The following CPEB3 variants were observed in gnomAD, a reference collection of about 807,000 sequenced individuals.
CPEB3 encodes the protein cytoplasmic polyadenylation element binding protein 3, also known as cytoplasmic polyadenylation element-binding protein 3.
In CPEB3, 20 loss-of-function variants were observed where a neutral mutation model predicts 67.2. That is an observed-to-expected ratio of 0.30 (90% CI 0.21 to 0.43). The LOEUF (loss-of-function observed/expected upper bound fraction) is 0.43, where lower values mean the gene tolerates loss of function less well. Ranked by LOEUF, CPEB3 falls within the 20% of genes least tolerant of loss-of-function variation. The pLI is 1.00. For synonymous variants in CPEB3, 376 were observed against 393.1 expected (o/e 0.96, Z 0.51); for missense variants, 746 against 968.6 (o/e 0.77, Z 3.05).
rs774300879 is a variant in CPEB3, at chr10:92,239,837, C to T, written c.514G>A (p.Ala172Thr). 100 of 1,494,114 alleles carry T rather than the reference C, an allele frequency of 6.7e-5. No homozygotes were observed. Among genetic ancestry groups the T allele is most frequent in the Non-Finnish European group, 8.7e-5 (98 of 1,122,948 alleles). 92.6% of individuals were successfully genotyped at this position (1,494,114 alleles called of 1,614,324 possible). A position where few individuals can be genotyped will look rare whatever the true frequency, so the allele number is the denominator to read the frequency against. The change falls in exon 2 of 10, where the codon GCG becomes ACG. Residue 172 changes from alanine to threonine, a missense_variant. By Grantham distance (58) the Ala-to-Thr change is moderately conservative. Transcript: ENST00000265997. The surrounding 1 kb of genome is among the most constrained non-coding windows in gnomAD (Gnocchi z 6.0). ...TGCGCTGGCTGTGCCGGCTGCGGCG[C>T]GGGCGCAGGCGGCGGCGGCTGCTGG... ...HHQQPPPPAPAPQPAQPAQPP... is the reference protein window; with the variant it reads ...HHQQPPPPAPTPQPAQPAQPP...
At chr10:92,094,439 A>T (rs569349079) in intron 7 of CPEB3, among the ~76,000 whole-genome samples, 1 of 152,026 alleles carries the variant, frequency 6.6e-6, no homozygotes, top group East Asian at 2.0e-4. Context: ...CGTTTCTACT[A>T]AAGATACGAA....
intron 8 of CPEB3, among the ~76,000 whole-genome samples, chr10:92,090,858 CTTTCA>C (rs994917759): frequency 5.9e-5 from 9 of 152,056 alleles, no homozygotes; most frequent in African/African-American, 1.7e-4. Context: ...TGCTTTCTAT[CTTTCA>C]TTTGACAGTT....
chr10:92,186,436 AT>A (rs373212390), intron 3 of CPEB3, among the ~76,000 whole-genome samples: 8,816 of 143,146 alleles, frequency 0.062, 316 homozygotes, highest in Non-Finnish European at 0.083. Context: ...AACTCAGGTG[AT>A]TTTTTTTTTT....
At chr10:92,199,582 G>A (rs900523820) in intron 2 of CPEB3, among the ~76,000 whole-genome samples, 2 of 149,916 alleles carry the variant, frequency 1.3e-5, no homozygotes, top group African/African-American at 2.5e-5. Flanking sequence ...TACTCGGGAG[G>A]CTGAAGCAGG....
chr10:92,168,428 C>T (rs546567258), intron 4 of CPEB3, among the ~76,000 whole-genome samples: 1 of 152,288 alleles, frequency 6.6e-6, no homozygotes, highest in Admixed American at 6.5e-5. Context: ...TCAAGTCTCT[C>T]AGCCTATTCT....
intron 2 of CPEB3, among the ~76,000 whole-genome samples, chr10:92,202,725 G>A (rs1201588253): frequency 1.3e-5 from 2 of 151,440 alleles, no homozygotes; most frequent in Non-Finnish European, 2.9e-5. Context: ...GGAAATCAGG[G>A]CAAAATGCAG....
intron 9 of CPEB3, among the ~76,000 whole-genome samples, chr10:92,063,682 T>G (rs1180053395): frequency 1.3e-5 from 2 of 151,686 alleles, no homozygotes; most frequent in East Asian, 1.9e-4. Flanking sequence ...GAGAATAGCT[T>G]GAACCCAGGA....
chr10:92,068,039 G>A (rs1032680779), intron 9 of CPEB3, among the ~76,000 whole-genome samples: 2 of 152,032 alleles, frequency 1.3e-5, no homozygotes, highest in Non-Finnish European at 2.9e-5. Flanking sequence ...CAAGTGCTAG[G>A]GTTATGAAAG....
At chr10:92,194,235 A>G (rs888806967) in intron 2 of CPEB3, among the ~76,000 whole-genome samples, 2 of 151,700 alleles carry the variant, frequency 1.3e-5, no homozygotes, top group Non-Finnish European at 2.9e-5. Flanking sequence ...AGGTCAGGAG[A>G]CTGAGATCAT....
intron 1 of CPEB3, among the ~76,000 whole-genome samples, chr10:92,283,130 T>C (rs1842370246): frequency 6.6e-6 from 1 of 152,248 alleles, no homozygotes; most frequent in Middle Eastern, 3.4e-3. Context: ...CGTGTGCCTG[T>C]AGTCCTAGCT....
intron 1 of CPEB3, among the ~76,000 whole-genome samples, chr10:92,277,637 T>C (rs1842048852): frequency 6.6e-6 from 1 of 152,212 alleles, no homozygotes; most frequent in Admixed American, 6.5e-5. Flanking sequence ...ATGCCCGTAA[T>C]CCGAGCACGT....
intron 1 of CPEB3, among the ~76,000 whole-genome samples, chr10:92,271,748 G>A (rs536655643): frequency 1.3e-5 from 2 of 152,148 alleles, no homozygotes; most frequent in African/African-American, 2.4e-5. Context: ...AACAGCTACT[G>A]TATTACCCCT....
At chr10:92,096,150 C>T (rs901118049) in intron 7 of CPEB3, among the ~76,000 whole-genome samples, 1 of 151,470 alleles carries the variant, frequency 6.6e-6, no homozygotes, top group African/African-American at 2.4e-5. Flanking sequence ...GCTGGGATTA[C>T]AGGCGTGAGC....
At chr10:92,118,650 C>A in intron 6 of CPEB3, 2 of 602,918 alleles carry the variant, frequency 3.3e-6, no homozygotes, top group South Asian at 1.7e-5. Context: ...AATGTGGAAC[C>A]CAAGATGGCT....
intron 3 of CPEB3, among the ~76,000 whole-genome samples, chr10:92,182,971 G>A (rs967023047): frequency 6.6e-6 from 1 of 151,988 alleles, no homozygotes; most frequent in African/African-American, 2.4e-5. Flanking sequence ...GATGGATTCT[G>A]ATAAAACTGT....
chr10:92,283,246 CAAAAAT>C (rs1454786480), intron 1 of CPEB3, among the ~76,000 whole-genome samples: 2 of 151,976 alleles, frequency 1.3e-5, no homozygotes, highest in African/African-American at 2.4e-5. Flanking sequence ...GAGACTCTCT[CAAAAAT>C]AAAAATAAAA....
At chr10:92,141,650 T>A (rs1039951501) in intron 6 of CPEB3, among the ~76,000 whole-genome samples, 5 of 150,430 alleles carry the variant, frequency 3.3e-5, no homozygotes, top group Admixed American at 6.6e-5. Context: ...AAAATAATAA[T>A]AATAGTTATT....
intron 1 of CPEB3, among the ~76,000 whole-genome samples, chr10:92,242,809 C>G (rs1851905235): frequency 6.6e-6 from 1 of 152,052 alleles, no homozygotes; most frequent in Non-Finnish European, 1.5e-5. Flanking sequence ...CCAGGAACAC[C>G]CATTTCTCTT....
At chr10:92,113,762 A>G in intron 6 of CPEB3, among the ~76,000 whole-genome samples, 1 of 152,124 alleles carries the variant, frequency 6.6e-6, no homozygotes, top group Non-Finnish European at 1.5e-5. Context: ...TTGTCTCCCT[A>G]TAGCAGCTGA....
Sources: allele counts gnomAD v4.1 joint callset (sites outside exome capture counted in the v4.1 genomes callset), GRCh38; gene constraint gnomAD v4.1.1; non-coding constraint Gnocchi (gnomAD v3.1); transcripts MANE v1.5; gene names NCBI Gene and HGNC (gene_info 2026-07-23, HGNC 2026-07-21).